The following EIF5B variants were observed in gnomAD, a reference collection of about 807,000 sequenced individuals.
The protein encoded by EIF5B is eIF-5B.
Under a neutral mutation model 147.5 loss-of-function variants are expected in EIF5B, and 47 were observed. That is an observed-to-expected ratio of 0.32 (90% CI 0.25 to 0.41). The LOEUF is 0.41. EIF5B is among the 10% of genes least tolerant of loss of function. The pLI, the probability that EIF5B is intolerant of heterozygous loss-of-function variation, is 1.00. For synonymous variants in EIF5B, 455 were observed against 456.2 expected (o/e 1.00, Z 0.03); for missense variants, 1,064 against 1,413.2 (o/e 0.75, Z 3.96).
intron 5 of EIF5B, 103 bp downstream of exon 5, chr2:99,363,965 A>G (rs1674273713): frequency 8.2e-7 from 1 of 1,223,268 alleles, no homozygotes; most frequent in Admixed American, 2.5e-5. Flanking sequence ...TCATAGTTGC[A>G]TGGTAATTCA....
At chr2:99,381,708 C>T (rs1209921418) in intron 12 of EIF5B, among the ~76,000 whole-genome samples, 4 of 152,040 alleles carry the variant, frequency 2.6e-5, no homozygotes, top group African/African-American at 4.8e-5. Context: ...TACTCTTTAA[C>T]ACTTTTGATC....
chr2:99,358,688 G>A (rs2105343244), intron 1 of EIF5B, among the ~76,000 whole-genome samples: 1 of 152,216 alleles, frequency 6.6e-6, no homozygotes, highest in South Asian at 2.1e-4. Flanking sequence ...GAGCCCTCTT[G>A]AGGCATAACA....
chr2:99,368,366 C>G (rs1329133541), intron 6 of EIF5B, 127 bp from the exon 7 acceptor site: 1 of 709,760 alleles, frequency 1.4e-6, no homozygotes, highest in Non-Finnish European at 2.4e-6. Context: ...ACAAGTTTTT[C>G]CATGAATATC....
chr2:99,384,646 A>T (rs1584647), intron 14 of EIF5B, among the ~76,000 whole-genome samples: 1 of 152,072 alleles, frequency 6.6e-6, no homozygotes, highest in Non-Finnish European at 1.5e-5. Context: ...AAATATAAAC[A>T]TTGATAGGAG....
intron 8 of EIF5B, among the ~76,000 whole-genome samples, chr2:99,370,063 A>G (rs1294903931): frequency 6.6e-6 from 1 of 152,236 alleles, no homozygotes; most frequent in African/African-American, 2.4e-5. Context: ...ATCTCAAAAA[A>G]AGATCTGAAG....
rs185157819 is a variant in EIF5B at position 99,349,983 on chromosome 2, C to T, written c.36-10253C>T. Among the ~76,000 whole-genome samples the T allele has an allele frequency of 1.8e-3, 271 of 152,300 alleles. 1 individual carries two copies. The highest frequency in any genetic ancestry group is 3.4e-3 in the Middle Eastern group (1 of 294). ...CCAGCATCTGGTAACCACTATTCTACTCTTTACTTTTATGAAATCAACTTT... is the reference window on the plus strand; with the variant it reads ...CCAGCATCTGGTAACCACTATTCTATTCTTTACTTTTATGAAATCAACTTT... On this transcript the variant is annotated intron_variant, in intron 1 of 23. Transcript: ENST00000289371.
chr2:99,344,112 G>A (rs2094267261), intron 1 of EIF5B, among the ~76,000 whole-genome samples: 1 of 151,748 alleles, frequency 6.6e-6, no homozygotes, highest in Non-Finnish European at 1.5e-5. Flanking sequence ...GTAGAGACGG[G>A]GTTTCACCAT....
At chr2:99,385,098 G>A (rs1245074750) in intron 14 of EIF5B, among the ~76,000 whole-genome samples, 1 of 152,076 alleles carries the variant, frequency 6.6e-6, no homozygotes, top group East Asian at 1.9e-4. Flanking sequence ...CCAGGCTGGA[G>A]TGCAGTGCTG....
chr2:99,400,133 A>T lies in EIF5B; in HGVS notation c.*719A>T, dbSNP rs1245322089. On this transcript the variant is annotated 3_prime_UTR_variant, in exon 24 of 24. Transcript: ENST00000289371. ...TCCCACAAGTTGTCCTCCTAGGACA[A>T]GAATTATCTTACAAACTAAACTATC... 6.6e-6 allele frequency: 1 copy of T among 152,188 alleles called. No individual in the cohort carries two copies. The highest frequency in any genetic ancestry group is 1.5e-5 in the Non-Finnish European group (1 of 68,044). 9.4% of individuals were successfully genotyped at this position (152,188 alleles called of 1,614,324 possible).
chr2:99,338,515 A>T (rs1374265412), intron 1 of EIF5B: 1 of 362,988 alleles, frequency 2.8e-6, no homozygotes, highest in Non-Finnish European at 5.4e-6. Context: ...CTCAAAACAG[A>T]TATGTTGTCT....
intron 17 of EIF5B, among the ~76,000 whole-genome samples, chr2:99,392,093 A>G (rs1330413326): frequency 2.6e-5 from 4 of 151,866 alleles, no homozygotes; most frequent in East Asian, 1.9e-4. Context: ...TTGTGTGACT[A>G]TATCACAACA....
intron 1 of EIF5B, among the ~76,000 whole-genome samples, chr2:99,338,920 G>GTA: frequency 2.3e-5 from 1 of 42,868 alleles, no homozygotes; most frequent in Non-Finnish European, 5.9e-5. Context: ...CTAGAAGTGT[G>GTA]TGTATATATA....
At chr2:99,348,685 A>C (rs2094278190) in intron 1 of EIF5B, among the ~76,000 whole-genome samples, 1 of 152,204 alleles carries the variant, frequency 6.6e-6, no homozygotes, top group African/African-American at 2.4e-5. Flanking sequence ...CAGAAGCCAA[A>C]GTAAGTGAAA....
In EIF5B at chr2:99,349,651, G is replaced by A. The variant is rs188891676; in HGVS notation, c.36-10585G>A. On this transcript the variant is annotated intron_variant, in intron 1 of 23. Transcript: ENST00000289371. Reference sequence around the variant, plus strand: ...AAAGAAATACTGTTTTTATACAACTGGAAAAATACAAGTTGTATTTTGTTC... The same window carrying A: ...AAAGAAATACTGTTTTTATACAACTAGAAAAATACAAGTTGTATTTTGTTC... Among the ~76,000 whole-genome samples, 287 of 152,096 alleles carry A rather than the reference G, an allele frequency of 1.9e-3. 7 individuals carry two copies. The highest frequency in any genetic ancestry group is 0.019 in the Admixed American group (284 of 15,278).
Position 99,399,753 on chromosome 2 carries a change from A to G in EIF5B, c.*339A>G, listed in dbSNP as rs1559263786. 2 of 230,812 alleles carry G rather than the reference A, an allele frequency of 8.7e-6. No individual in the cohort carries two copies. The highest frequency in any genetic ancestry group is 9.4e-5 in the East Asian group (1 of 10,594). The allele number at this position is 230,812 out of a possible 1,614,324, so 14.3% of individuals were successfully genotyped here. A position where few individuals can be genotyped will look rare whatever the true frequency, so the allele number is the denominator to read the frequency against. Reference sequence around the variant, plus strand: ...GCTCTTTCGATTTTATACTGATTAAATCAGTACTGCAGTATTTGATTAACC... The same window carrying G: ...GCTCTTTCGATTTTATACTGATTAAGTCAGTACTGCAGTATTTGATTAACC... On this transcript the variant is annotated 3_prime_UTR_variant, in exon 24 of 24. Coordinates refer to ENST00000289371, the MANE Select transcript of EIF5B (RefSeq NM_015904.4).
rs1032195382 is a variant in EIF5B at position 99,391,074 on chromosome 2, C to G, written c.2748+369C>G. 5.3e-5 allele frequency among the ~76,000 whole-genome samples: 8 copies of G among 152,258 alleles called. No individual in the cohort carries two copies. In the East Asian group the frequency reaches 1.2e-3, roughly 22 times the overall value. The stretch of plus-strand genomic sequence containing the variant: ...TTAACTCCTAATAGCCTACCATTGA[C>G]CAGAAGCCTTACCAATCACATACAC... On this transcript the variant is annotated intron_variant, in intron 17 of 23. Transcript: ENST00000289371.
intron 1 of EIF5B, among the ~76,000 whole-genome samples, chr2:99,337,944 G>A (rs966442386): frequency 1.3e-5 from 2 of 152,240 alleles, no homozygotes; most frequent in African/African-American, 2.4e-5. Context: ...GGCGAGGGTG[G>A]GGAAGTTCTT....
chr2:99,389,299 A>G (rs903317777), intron 14 of EIF5B, among the ~76,000 whole-genome samples: 1 of 152,236 alleles, frequency 6.6e-6, no homozygotes, highest in South Asian at 2.1e-4. Context: ...GAGCAATAAA[A>G]TAATTAAAAT....
chr2:99,396,145 A>G lies in EIF5B; in HGVS notation c.3255-615A>G, dbSNP rs141060941. On this transcript the variant is annotated intron_variant, in intron 21 of 23. Coordinates refer to ENST00000289371, the MANE Select transcript of EIF5B (RefSeq NM_015904.4). ...ATTTTTAAGTGGAGCTTACTAGTAA[A>G]TATTAGGATTTAGACTGGTATATGC... Among the ~76,000 whole-genome samples, 151 of 152,260 alleles carry G rather than the reference A, an allele frequency of 9.9e-4. 3 individuals are homozygous for G. The East Asian group carries it at 0.018, about 18-fold the overall frequency.
Sources: allele counts gnomAD v4.1 joint callset (sites outside exome capture counted in the v4.1 genomes callset), GRCh38; gene constraint gnomAD v4.1.1; transcripts MANE v1.5; gene names NCBI Gene and HGNC (gene_info 2026-07-23, HGNC 2026-07-21).